Variants in ELP4 observed in about 807,000 individuals in gnomAD.
ELP4 encodes elongator complex protein 4.
A neutral mutation model predicts 48.9 loss-of-function variants in ELP4; 51 were observed. That is an observed-to-expected ratio of 1.04 (90% confidence interval 0.83 to 1.32). ELP4 has a LOEUF of 1.32. Ranked by LOEUF, ELP4 falls within the 40% of genes most tolerant of loss-of-function variation. The pLI, the probability that ELP4 is intolerant of heterozygous loss-of-function variation, is 0.00. For synonymous variants in ELP4, 210 were observed against 189.2 expected (o/e 1.11, Z -0.90); for missense variants, 519 against 514.6 (o/e 1.01, Z -0.08).
intron 9 of ELP4, among the ~76,000 whole-genome samples, chr11:31,756,546 CTGTT>C (rs1028067597): frequency 6.6e-6 from 1 of 152,150 alleles, no homozygotes; most frequent in Non-Finnish European, 1.5e-5. Context: ...CTTTCCTTGT[CTGTT>C]AAAGTCTCTC....
chr11:31,749,887 G>A (rs541825121), intron 9 of ELP4, among the ~76,000 whole-genome samples: 3 of 145,944 alleles, frequency 2.1e-5, no homozygotes, highest in Non-Finnish European at 3.0e-5. Context: ...ACGGAGTCTC[G>A]CTCTGTCGCC....
At chr11:31,662,382 A>G (rs748015682) in intron 9 of ELP4, 2 of 391,804 alleles carry the variant, frequency 5.1e-6, no homozygotes, top group Non-Finnish European at 9.0e-6. Context: ...TAAAGCAACT[A>G]TGCCCCTGTT....
intron 7 of ELP4, among the ~76,000 whole-genome samples, chr11:31,640,012 A>C (rs925518932): frequency 6.6e-6 from 1 of 151,892 alleles, no homozygotes; most frequent in Non-Finnish European, 1.5e-5. Flanking sequence ...ATCTGTTTGG[A>C]CATATGGAAT....
intron 9 of ELP4, among the ~76,000 whole-genome samples, chr11:31,741,775 A>AT (rs1160442724): frequency 6.6e-6 from 1 of 152,232 alleles, no homozygotes; most frequent in Non-Finnish European, 1.5e-5. Context: ...CCAAAGGTAG[A>AT]TAAAACCACA....
chr11:31,547,512 A>C (rs1165234573), intron 3 of ELP4, among the ~76,000 whole-genome samples: 1 of 152,206 alleles, frequency 6.6e-6, no homozygotes, highest in Non-Finnish European at 1.5e-5. Context: ...CCAACCAAAA[A>C]GAGTGCAGGA....
intron 9 of ELP4, among the ~76,000 whole-genome samples, chr11:31,704,268 C>A (rs1946584197): frequency 1.3e-5 from 2 of 151,624 alleles, no homozygotes; most frequent in Admixed American, 6.6e-5. Flanking sequence ...AAACAGAAGA[C>A]ACAAAACTCC....
intron 7 of ELP4, chr11:31,647,342 C>G (rs1945222159): frequency 3.2e-5 from 6 of 184,916 alleles, no homozygotes; most frequent in Admixed American, 2.9e-4. Flanking sequence ...TCTACTGCTT[C>G]TGAATCCTGC....
At chr11:31,517,489 T>G (rs1956136406) in intron 1 of ELP4, among the ~76,000 whole-genome samples, 1 of 151,886 alleles carries the variant, frequency 6.6e-6, no homozygotes, top group South Asian at 2.1e-4. Context: ...TGTTACTAAG[T>G]TTTTCTGTAT....
At chr11:31,779,692 T>A (rs966387976) in intron 9 of ELP4, 1 of 152,258 alleles carries the variant, frequency 6.6e-6, no homozygotes, top group African/African-American at 2.4e-5. Context: ...TTTGCTAGCC[T>A]CACTGTTTCC....
intron 9 of ELP4, among the ~76,000 whole-genome samples, chr11:31,774,759 G>A (rs1948212368): frequency 6.6e-6 from 1 of 152,204 alleles, no homozygotes; most frequent in Non-Finnish European, 1.5e-5. Flanking sequence ...CCTTTAGGTA[G>A]GTGGTAGAAC....
chr11:31,540,803 C>T (rs1956579205), intron 3 of ELP4, among the ~76,000 whole-genome samples: 1 of 151,958 alleles, frequency 6.6e-6, no homozygotes, highest in African/African-American at 2.4e-5. Context: ...TACCAGTATG[C>T]CAGAGGTATA....
intron 5 of ELP4, among the ~76,000 whole-genome samples, chr11:31,626,337 A>ATTG (rs972407403): frequency 5.3e-5 from 8 of 151,780 alleles, no homozygotes; most frequent in African/African-American, 1.9e-4. Flanking sequence ...TGTCTATGGG[A>ATTG]TTGCTATGCT....
intron 7 of ELP4, among the ~76,000 whole-genome samples, chr11:31,644,751 C>A (rs1945168080): frequency 6.6e-6 from 1 of 151,546 alleles, no homozygotes; most frequent in African/African-American, 2.4e-5. Context: ...ATCAATAGAC[C>A]ATATTCCTTA....
intron 3 of ELP4, among the ~76,000 whole-genome samples, chr11:31,554,443 A>G (rs1026799658): frequency 6.0e-5 from 9 of 151,208 alleles, no homozygotes; most frequent in Non-Finnish European, 1.3e-4. Context: ...AAATTTATAT[A>G]TTTTATATAT....
At chr11:31,701,994 GTTTC>G (rs1565118971) in intron 9 of ELP4, among the ~76,000 whole-genome samples, 1 of 152,036 alleles carries the variant, frequency 6.6e-6, no homozygotes, top group Non-Finnish European at 1.5e-5. Flanking sequence ...GATGAATTAT[GTTTC>G]TGACTGTCCT....
At chr11:31,755,079 A>G (rs961187061) in intron 9 of ELP4, among the ~76,000 whole-genome samples, 1 of 152,194 alleles carries the variant, frequency 6.6e-6, no homozygotes, top group Non-Finnish European at 1.5e-5. Context: ...GAAACATTTA[A>G]AGAAAGATGG....
chr11:31,722,242 G>A (rs1372238715), intron 9 of ELP4, among the ~76,000 whole-genome samples: 1 of 152,150 alleles, frequency 6.6e-6, no homozygotes, highest in East Asian at 1.9e-4. Flanking sequence ...GTTGTTGTCT[G>A]TTTCCAATGT....
At chr11:31,545,190 T>A (rs1045653803) in intron 3 of ELP4, among the ~76,000 whole-genome samples, 8 of 152,076 alleles carry the variant, frequency 5.3e-5, no homozygotes, top group Non-Finnish European at 1.0e-4. Context: ...AACTACGAGC[T>A]ACAGGAGGAA....
chr11:31,539,734 A>G lies in ELP4; in HGVS notation c.332A>G (p.His111Arg). ...YFLAEGIVNG[H>R]TLLVASAKED... ...CTGGCAGAAGGAATTGTCAATGGGCATACTTTGTTGGTTGCATCTGCTAAA... is the reference window on the plus strand; with the variant it reads ...CTGGCAGAAGGAATTGTCAATGGGCGTACTTTGTTGGTTGCATCTGCTAAA... Residue 111 changes from histidine to arginine, a missense_variant, in exon 3 of 10, where the codon CAT becomes CGT. His to Arg is a conservative substitution (Grantham distance 29). Coordinates refer to ENST00000640961, the MANE Select transcript of ELP4 (RefSeq NM_019040.5). 6.2e-7 allele frequency: 1 copy of G among 1,612,442 alleles called. No homozygotes were observed.
Sources: allele counts gnomAD v4.1 joint callset (sites outside exome capture counted in the v4.1 genomes callset), GRCh38; gene constraint gnomAD v4.1.1; transcripts MANE v1.5; gene names NCBI Gene and HGNC (gene_info 2026-07-23, HGNC 2026-07-21).